Variants in CFAP61 observed in about 807,000 individuals in gnomAD.
The protein encoded by CFAP61 is cilia- and flagella-associated protein 61.
Under a neutral mutation model 135.6 loss-of-function variants are expected in CFAP61, and 107 were observed. That is an observed-to-expected ratio of 0.79 (90% CI 0.67 to 0.93). The LOEUF (loss-of-function observed/expected upper bound fraction) is 0.93. Ranked by LOEUF, CFAP61 falls within the 40% of genes least tolerant of loss-of-function variation. CFAP61 has a pLI of 0.00. For synonymous variants in CFAP61, 575 were observed against 578.5 expected (o/e 0.99, Z 0.09); for missense variants, 1,507 against 1,556.2 (o/e 0.97, Z 0.53).
intron 2 of CFAP61, among the ~76,000 whole-genome samples, chr20:20,065,803 C>CAAATA (rs1351820685): frequency 6.6e-6 from 1 of 152,044 alleles, no homozygotes; most frequent in Admixed American, 6.5e-5. Flanking sequence ...GCGTCCAGTG[C>CAAATA]AAATAGCACA....
chr20:20,209,692 A>T (rs972778394), intron 17 of CFAP61, among the ~76,000 whole-genome samples: 1 of 152,128 alleles, frequency 6.6e-6, no homozygotes, highest in East Asian at 1.9e-4. Flanking sequence ...TAATCATTTA[A>T]TGTTTACATT....
chr20:20,355,975 CTG>C (rs1380350895), intron 26 of CFAP61, among the ~76,000 whole-genome samples: 2 of 16,022 alleles, frequency 1.2e-4, no homozygotes, highest in African/African-American at 1.6e-4. Flanking sequence ...GGTGATCACA[CTG>C]TGAGGGGACG....
In CFAP61 at chr20:20,246,134, A is replaced by G. The variant is rs1481151078; in HGVS notation, c.2078A>G (p.Asn693Ser). 9.9e-6 allele frequency: 16 copies of G among 1,610,792 alleles called. No homozygotes were observed. The highest frequency in any genetic ancestry group is 1.4e-5 in the Non-Finnish European group (16 of 1,177,702). ...TLVFCSHMKF[N>S]NLTLISTHGL... ...TTCTTTAGCTCTCACATGAAGTTTA[A>G]TAATCTTACCCTGATTTCAACTCAT... The change falls in exon 19 of 27, where the codon AAT becomes AGT. Residue 693 changes from asparagine (N) to serine (S), a missense_variant. Transcript: ENST00000245957.
At chr20:20,338,460 A>G (rs116289403) in intron 25 of CFAP61, among the ~76,000 whole-genome samples, 14 of 152,216 alleles carry the variant, frequency 9.2e-5, no homozygotes, top group African/African-American at 3.4e-4. Flanking sequence ...TTGTTAAAAA[A>G]AATCTTGGAA....
At chr20:20,277,896 C>G (rs2053895796) in intron 22 of CFAP61, among the ~76,000 whole-genome samples, 1 of 152,192 alleles carries the variant, frequency 6.6e-6, no homozygotes, top group Admixed American at 6.5e-5. Flanking sequence ...GACTGGCTTC[C>G]TCACAACATG....
chr20:20,295,175 C>T (rs1018872131), intron 24 of CFAP61, among the ~76,000 whole-genome samples: 1 of 152,080 alleles, frequency 6.6e-6, no homozygotes, highest in African/African-American at 2.4e-5. Flanking sequence ...TTGAGGTGCA[C>T]AGCCTCGGCC....
chr20:20,106,084 C>A (rs1056823224), intron 8 of CFAP61, among the ~76,000 whole-genome samples: 5 of 129,158 alleles, frequency 3.9e-5, no homozygotes, highest in East Asian at 2.6e-4. Context: ...TTTGTTAATT[C>A]TAAAGCTTTG....
intron 25 of CFAP61, among the ~76,000 whole-genome samples, chr20:20,301,491 C>G (rs2056097219): frequency 6.6e-6 from 1 of 152,228 alleles, no homozygotes; most frequent in South Asian, 2.1e-4. Context: ...TTTCCCCCAG[C>G]AGTGAATGAG....
chr20:20,243,953 C>T lies in CFAP61; in HGVS notation c.2061-2164C>T, dbSNP rs142156475. On this transcript the variant is annotated intron_variant, in intron 18 of 26. Transcript: ENST00000245957. Reference sequence around the variant, plus strand: ...AGGGGTTACAGGCTCCATGCAAGTCCGAAATCCAGTGGGGCAGTCAAATCC... The same window carrying T: ...AGGGGTTACAGGCTCCATGCAAGTCTGAAATCCAGTGGGGCAGTCAAATCC... Among the ~76,000 whole-genome samples, 96 of 152,272 alleles carry T rather than the reference C, an allele frequency of 6.3e-4. 3 individuals carry two copies. Among genetic ancestry groups the T allele is most frequent in the African/African-American group, 2.1e-3 (87 of 41,542 alleles).
chr20:20,311,999 G>T (rs570229669), intron 25 of CFAP61, among the ~76,000 whole-genome samples: 81 of 152,284 alleles, frequency 5.3e-4, no homozygotes, highest in African/African-American at 1.7e-3. Flanking sequence ...AATAAATCTT[G>T]AAAGCAAGAC....
intron 26 of CFAP61, among the ~76,000 whole-genome samples, chr20:20,350,419 A>G (rs1278336673): frequency 2.0e-5 from 3 of 152,354 alleles, no homozygotes; most frequent in Non-Finnish European, 4.4e-5. Context: ...ATCTGAGGTC[A>G]GGAGTTCAAG....
chr20:20,318,283 T>C (rs1647703119), intron 25 of CFAP61, among the ~76,000 whole-genome samples: 1 of 152,214 alleles, frequency 6.6e-6, no homozygotes, highest in Non-Finnish European at 1.5e-5. Context: ...TGCAGCACAC[T>C]AAGTAGGAAG....
chr20:20,238,093 T>C (rs897311564), intron 18 of CFAP61, among the ~76,000 whole-genome samples: 1 of 152,232 alleles, frequency 6.6e-6, no homozygotes, highest in African/African-American at 2.4e-5. Flanking sequence ...AAGTCTCTTA[T>C]GATTTAAACA....
At chr20:20,243,314 A>G (rs1463951992) in intron 18 of CFAP61, among the ~76,000 whole-genome samples, 1 of 152,208 alleles carries the variant, frequency 6.6e-6, no homozygotes, top group East Asian at 1.9e-4. Flanking sequence ...TATGGGAGCT[A>G]CAAGATGAGA....
chr20:20,086,265 A>C (rs2046792880), intron 6 of CFAP61, among the ~76,000 whole-genome samples: 2 of 148,924 alleles, frequency 1.3e-5, no homozygotes, highest in Admixed American at 6.7e-5. Flanking sequence ...TGCTGCACCC[A>C]TTAACTCATC....
intron 21 of CFAP61, among the ~76,000 whole-genome samples, chr20:20,264,214 AT>A (rs1240636683): frequency 1.3e-5 from 2 of 152,108 alleles, no homozygotes; most frequent in African/African-American, 4.8e-5. Context: ...CATAAATGAG[AT>A]TGACCTGTAG....
chr20:20,132,725 A>T (rs187469656), intron 8 of CFAP61, among the ~76,000 whole-genome samples: 7 of 152,050 alleles, frequency 4.6e-5, no homozygotes, highest in African/African-American at 1.4e-4. Flanking sequence ...ATCTTCCTTG[A>T]AATTTTGATC....
At chr20:20,319,072 A>G (rs1220502690) in intron 25 of CFAP61, among the ~76,000 whole-genome samples, 3 of 152,332 alleles carry the variant, frequency 2.0e-5, no homozygotes, top group African/African-American at 7.2e-5. Flanking sequence ...GGCTGTCCCA[A>G]GACCCTGATT....
At chr20:20,164,551 G>A (rs2053664956) in intron 11 of CFAP61, among the ~76,000 whole-genome samples, 1 of 152,114 alleles carries the variant, frequency 6.6e-6, no homozygotes, top group South Asian at 2.1e-4. Flanking sequence ...TGGGTTACTG[G>A]TTGTCTAGAG....
Sources: allele counts gnomAD v4.1 joint callset (sites outside exome capture counted in the v4.1 genomes callset), GRCh38; gene constraint gnomAD v4.1.1; transcripts MANE v1.5; gene names NCBI Gene and HGNC (gene_info 2026-07-23, HGNC 2026-07-21).